Variants in RBBP8 observed in about 807,000 individuals in gnomAD.
RBBP8 encodes DNA endonuclease RBBP8.
Under a neutral mutation model 108.3 loss-of-function variants are expected in RBBP8, and 88 were observed. The observed-to-expected ratio is 0.81, with a 90% CI of 0.68 to 0.97. The LOEUF (loss-of-function observed/expected upper bound fraction) is 0.97. Ranked by LOEUF, RBBP8 falls within the 50% of genes least tolerant of loss-of-function variation. The pLI, the probability that RBBP8 is intolerant of heterozygous loss-of-function variation, is 0.00. For synonymous variants in RBBP8, 332 were observed against 348.2 expected, an observed-to-expected ratio of 0.95 and a Z score of 0.52; for missense variants, 1,023 against 1,049.0, an observed-to-expected ratio of 0.98 and a Z score of 0.34.
intron 16 of RBBP8, among the ~76,000 whole-genome samples, chr18:23,013,265 G>A (rs978312479): frequency 9.2e-5 from 14 of 152,170 alleles, no homozygotes; most frequent in African/African-American, 3.1e-4. Context: ...AAATGTGGAA[G>A]CTATGGTTTT....
rs1915782085 is a variant in RBBP8 at position 22,992,733 on chromosome 18, T to C, written c.921-15T>C. The stretch of plus-strand genomic sequence containing the variant: ...TTAATTCTGTATTAAAGAATTGTTA[T>C]CACTCTTTATTTAGATTTTCAGATT... On this transcript the variant is annotated splice_polypyrimidine_tract_variant and intron_variant, in intron 10 of 18. Transcript: ENST00000327155. 2.6e-6 allele frequency: 4 copies of C among 1,561,330 alleles called. No homozygotes were observed. The highest frequency in any genetic ancestry group is 1.7e-5 in the Admixed American group (1 of 59,892).
At chr18:22,959,212 A>C (rs1912855250) in intron 4 of RBBP8, among the ~76,000 whole-genome samples, 1 of 152,164 alleles carries the variant, frequency 6.6e-6, no homozygotes, top group Non-Finnish European at 1.5e-5. Context: ...TTTTTATTCT[A>C]CTGTTTATTA....
At position 23,016,962 on chromosome 18, in the gene RBBP8, C is replaced by T. The variant is rs775254626; in HGVS notation, c.2454+38C>T. ...GTAGATACTAATTTTTTTTTAAGTA[C>T]GGCTTTATAGATAATAAATGCATGA... On this transcript the variant is annotated intron_variant, in intron 17 of 18. Coordinates refer to ENST00000327155, the MANE Select transcript of RBBP8 (RefSeq NM_002894.3). 34 of 1,382,050 alleles carry T rather than the reference C, an allele frequency of 2.5e-5. No individual in the cohort carries two copies. In the Middle Eastern group the frequency reaches 7.1e-4, roughly 29 times the overall value. 85.6% of individuals were successfully genotyped at this position (1,382,050 alleles called of 1,614,324 possible).
chr18:22,915,612 T>G (rs974528795), intron 2 of RBBP8: 1 of 152,148 alleles, frequency 6.6e-6, no homozygotes, highest in Non-Finnish European at 1.5e-5. Flanking sequence ...GATCAAAACT[T>G]TTAATTGGCT....
chr18:23,002,334 A>G (rs1007420531), intron 15 of RBBP8, among the ~76,000 whole-genome samples: 2 of 152,152 alleles, frequency 1.3e-5, no homozygotes, highest in Admixed American at 6.6e-5. Flanking sequence ...TTGAACACCC[A>G]GGAGGTCGTG....
intron 16 of RBBP8, among the ~76,000 whole-genome samples, chr18:23,015,472 C>G (rs1157665421): frequency 6.6e-6 from 1 of 152,054 alleles, no homozygotes; most frequent in Non-Finnish European, 1.5e-5. Flanking sequence ...TATAATCCCA[C>G]TTGTATATTT....
intron 12 of RBBP8, among the ~76,000 whole-genome samples, chr18:22,994,121 C>G (rs2045806002): frequency 1.4e-5 from 2 of 144,280 alleles, no homozygotes; most frequent in African/African-American, 5.0e-5. Context: ...CCCGGGTTCA[C>G]ACCATTCTCC....
At chr18:22,982,425 G>C in intron 7 of RBBP8, 32 bp downstream of exon 7, 1 of 1,612,248 alleles carries the variant, frequency 6.2e-7, no homozygotes, top group Non-Finnish European at 8.5e-7. Context: ...TAGTTCTCTG[G>C]TTTTGTAAAC....
intron 8 of RBBP8, among the ~76,000 whole-genome samples, chr18:22,986,420 C>A (rs983856837): frequency 2.6e-5 from 4 of 152,092 alleles, no homozygotes; most frequent in African/African-American, 9.7e-5. Flanking sequence ...CATCTGAGAT[C>A]GGTCTCATGT....
Position 22,982,367 on chromosome 18 carries a change from A to G in RBBP8, c.578A>G (p.Lys193Arg). The change falls in exon 7 of 19, where the codon AAA (lysine) becomes AGA (arginine). Residue 193 changes from lysine to arginine, a missense_variant. Transcript: ENST00000327155. ...CGATACATAGAACAAACACATACTA[A>G]ATTGGAGCACTCTGTGTGTGCAAAT... Reference protein sequence around the residue: ...HVRYIEQTHTKLEHSVCANEM... With the variant: ...HVRYIEQTHTRLEHSVCANEM... The G allele has an allele frequency of 6.2e-7, 1 of 1,614,064 alleles. No homozygotes were observed. Among genetic ancestry groups the G allele is most frequent in the Non-Finnish European group, 8.5e-7 (1 of 1,179,984 alleles).
intron 18 of RBBP8, among the ~76,000 whole-genome samples, chr18:23,022,669 A>C (rs188085453): frequency 7.1e-5 from 10 of 141,128 alleles, no homozygotes; most frequent in Non-Finnish European, 1.4e-4. Flanking sequence ...AAAATAAAAT[A>C]AATAACTGTA....
At chr18:22,919,148 C>T (rs1014673942) in intron 3 of RBBP8, among the ~76,000 whole-genome samples, 7 of 152,008 alleles carry the variant, frequency 4.6e-5, no homozygotes, top group Admixed American at 2.6e-4. Context: ...GGGAATGAAG[C>T]CGATGAGCAA....
chr18:22,937,500 AT>A (rs1910680133), intron 2 of RBBP8, among the ~76,000 whole-genome samples: 1 of 111,146 alleles, frequency 9.0e-6, no homozygotes. Flanking sequence ...TTTTTTTTTT[AT>A]TTTTTTTGAG....
intron 5 of RBBP8, among the ~76,000 whole-genome samples, chr18:22,974,303 T>C (rs1436718908): frequency 6.6e-6 from 1 of 152,208 alleles, no homozygotes; most frequent in Non-Finnish European, 1.5e-5. Flanking sequence ...TAGGAAAATT[T>C]GGTGGAGATT....
intron 2 of RBBP8, among the ~76,000 whole-genome samples, chr18:22,937,806 TA>T (rs1208782207): frequency 6.6e-6 from 1 of 151,522 alleles, no homozygotes; most frequent in African/African-American, 2.4e-5. Context: ...TTTATTTATT[TA>T]TATATTCATG....
chr18:22,960,548 C>A (rs1170468769), intron 4 of RBBP8, among the ~76,000 whole-genome samples: 2 of 151,984 alleles, frequency 1.3e-5, no homozygotes, highest in African/African-American at 2.4e-5. Context: ...CCTGTCTCAA[C>A]AAAAAAGACA....
chr18:22,959,870 CTTTTT>C (rs35259762), intron 4 of RBBP8, among the ~76,000 whole-genome samples: 1 of 86,400 alleles, frequency 1.2e-5, no homozygotes, highest in Non-Finnish European at 2.2e-5. Context: ...GATGAACTTT[CTTTTT>C]TTTTTTTTTT....
chr18:22,958,136 T>G (rs1376296819), intron 4 of RBBP8, among the ~76,000 whole-genome samples: 4 of 152,232 alleles, frequency 2.6e-5, no homozygotes, highest in Admixed American at 6.5e-5. Context: ...ATAAATATGG[T>G]CAAGGTTGAC....
intron 3 of RBBP8, among the ~76,000 whole-genome samples, chr18:22,927,659 G>A (rs1192959280): frequency 6.6e-6 from 1 of 152,032 alleles, no homozygotes; most frequent in African/African-American, 2.4e-5. Flanking sequence ...TTGATTACAT[G>A]TTTAAATAAT....
Sources: allele counts gnomAD v4.1 joint callset (sites outside exome capture counted in the v4.1 genomes callset), GRCh38; gene constraint gnomAD v4.1.1; transcripts MANE v1.5; gene names NCBI Gene and HGNC (gene_info 2026-07-23, HGNC 2026-07-21).